The following DUS3L variants were observed in gnomAD, a reference collection of about 807,000 sequenced individuals.
DUS3L encodes tRNA-dihydrouridine(47) synthase [NAD(P)(+)]-like.
In DUS3L, 62 loss-of-function variants were observed where a neutral mutation model predicts 74.6. The observed-to-expected ratio is 0.83, with a 90% CI of 0.68 to 1.03. The LOEUF (loss-of-function observed/expected upper bound fraction) is 1.03, where lower values mean the gene tolerates loss of function less well. Among genes scored for constraint, DUS3L ranks in the 50% least tolerant of loss-of-function variants. DUS3L has a pLI of 0.00. For synonymous variants in DUS3L, 433 were observed against 395.7 expected, an observed-to-expected ratio of 1.09 and a Z score of -1.12; for missense variants, 884 against 924.4, an observed-to-expected ratio of 0.96 and a Z score of 0.57.
At chr19:5,785,827 C>A in intron 10 of DUS3L, 36 bp from the exon 11 acceptor site, 2 of 1,532,320 alleles carry the variant, frequency 1.3e-6, no homozygotes, top group Non-Finnish European at 1.8e-6. Flanking sequence ...GCCCAGCCAC[C>A]AGCCTGCCTG....
At position 5,785,441 on chromosome 19, in the gene DUS3L, G is replaced by C. The variant is rs373588150; in HGVS notation, c.1822C>G (p.Arg608Gly). ...GCCATCAGCGTCTCCAGGTAGTCGCGGCCCAGGTAGTAGGGCGGCCGCTCG... is the reference window on the plus strand; with the variant it reads ...GCCATCAGCGTCTCCAGGTAGTCGCCGCCCAGGTAGTAGGGCGGCCGCTCG... ...INERPPYYLGRDYLETLMASQ... is the reference protein window; with the variant it reads ...INERPPYYLGGDYLETLMASQ... The change falls in exon 12 of 13, where the codon CGC becomes GGC. Residue 608 changes from arginine to glycine, a missense_variant. Arg to Gly is a moderately radical substitution (Grantham distance 125). Coordinates refer to ENST00000309061, the MANE Select transcript of DUS3L (RefSeq NM_020175.3). 37 of 1,590,582 alleles carry C rather than the reference G, an allele frequency of 2.3e-5. No homozygotes were observed. The highest frequency in any genetic ancestry group is 3.0e-5 in the Non-Finnish European group (35 of 1,168,188).
chr19:5,786,505 G>T lies in DUS3L; in HGVS notation c.1524C>A (p.Arg508=). The change falls in exon 10 of 13, where the codon CGC becomes CGA. Residue 508 remains arginine, a synonymous_variant. Transcript: ENST00000309061. ...GDILSFEDAN[R]AMQTGVTGIM... is the part of the protein sequence containing the mutation. ...TCCCGGTGACACCAGTCTGCATGGC[G>T]CGGTTGGCATCCTCAAATGACAAGA... 1.2e-6 allele frequency: 2 copies of T among 1,613,108 alleles called. No homozygotes were observed. The highest frequency in any genetic ancestry group is 2.2e-5 in the South Asian group (2 of 91,046).
At position 5,788,361 on chromosome 19, in the gene DUS3L, G is replaced by T; in HGVS notation, c.938C>A (p.Thr313Asn). The change falls in exon 4 of 13, where the codon ACC (threonine) becomes AAC (asparagine). Residue 313 changes from threonine to asparagine, a missense_variant. Transcript: ENST00000309061. ...GCCACCTGACCCAGGTCCTACCGTGGTGAGGGGGGCCAGGTAAAGTTTGCC... is the reference window on the plus strand; with the variant it reads ...GCCACCTGACCCAGGTCCTACCGTGTTGAGGGGGGCCAGGTAAAGTTTGCC... ...IRGKLYLAPLTTCGNLPFRRI... is the reference protein window; with the variant it reads ...IRGKLYLAPLNTCGNLPFRRI... The T allele has an allele frequency of 6.2e-7, 1 of 1,613,772 alleles. No homozygotes were observed. The highest frequency in any genetic ancestry group is 2.2e-5 in the East Asian group (1 of 44,876).
chr19:5,786,385 A>G (rs1217407974), intron 10 of DUS3L, 82 bp downstream of exon 10: 7 of 1,381,458 alleles, frequency 5.1e-6, no homozygotes, highest in Non-Finnish European at 6.0e-6. Context: ...CCACCACAGA[A>G]CAGGGGTGGG....
chr19:5,791,133 C>A lies in DUS3L; in HGVS notation c.9G>T (p.Glu3Asp). MA[E>D]GTAEAPLENG... ...TCTCTAGAGGAGCCTCCGCCGTTCC[C>A]TCCGCCATCGGCGCCCCTCACATCC... Residue 3 changes from glutamate (E) to aspartate (D), a missense_variant, in exon 1 of 13, where the codon GAG becomes GAT. Coordinates refer to ENST00000309061, the MANE Select transcript of DUS3L (RefSeq NM_020175.3). 1 of 1,605,622 alleles carries A rather than the reference C, an allele frequency of 6.2e-7. No homozygotes were observed. Among genetic ancestry groups the A allele is most frequent in the East Asian group, 2.2e-5 (1 of 44,588 alleles).
chr19:5,789,004 G>A, intron 3 of DUS3L: 1 of 674,804 alleles, frequency 1.5e-6, no homozygotes, highest in Non-Finnish European at 2.2e-6. Flanking sequence ...ACCGCCCCCG[G>A]CCCTGTCCAG....
intron 2 of DUS3L, 46 bp downstream of exon 2, chr19:5,790,001 C>G (rs1162827180): frequency 6.2e-7 from 1 of 1,602,994 alleles, no homozygotes. Flanking sequence ...GAAACACACC[C>G]TGCTCCTGCC....
chr19:5,785,844 T>C, intron 10 of DUS3L, 53 bp from the exon 11 acceptor site: 1 of 1,495,752 alleles, frequency 6.7e-7, no homozygotes, highest in South Asian at 1.3e-5. Context: ...CCTGGGATCG[T>C]GTGGCCTCTG....
At chr19:5,790,806 C>T in intron 1 of DUS3L, 1 of 595,718 alleles carries the variant, frequency 1.7e-6, no homozygotes, top group Non-Finnish European at 3.0e-6. Context: ...GCGGGCCTGG[C>T]CTCAAATCCC....
chr19:5,787,735 G>A (rs1370204323), intron 5 of DUS3L, 30 bp from the exon 6 acceptor site: 2 of 1,605,914 alleles, frequency 1.2e-6, no homozygotes, highest in Non-Finnish European at 1.7e-6. Flanking sequence ...GAACAGGAGG[G>A]TGAGGGGAGA....
chr19:5,790,367 G>T lies in DUS3L; in HGVS notation c.99-32C>A, dbSNP rs759704544. 2.7e-5 allele frequency: 44 copies of T among 1,612,288 alleles called. No homozygotes were observed. In the South Asian group the frequency reaches 3.5e-4, roughly 13 times the overall value. On this transcript the variant is annotated intron_variant, in intron 1 of 12. Transcript: ENST00000309061. The stretch of plus-strand genomic sequence containing the variant: ...ACAGAAAGGGAAAGGAAAACCCTCC[G>T]AACATAGTCAATAAACACTGGGGAA...
At position 5,786,499 on chromosome 19, in the gene DUS3L, C is replaced by G. The variant is rs1393867063; in HGVS notation, c.1530G>C (p.Met510Ile). The change falls in exon 10 of 13, where the codon ATG becomes ATC. Residue 510 changes from methionine to isoleucine, a missense_variant. By Grantham distance (10) the Met-to-Ile change is conservative. Transcript: ENST00000309061. ...ILSFEDANRA[M>I]QTGVTGIMIA... is the part of the protein sequence containing the mutation. ...TCATGATCCCGGTGACACCAGTCTG[C>G]ATGGCGCGGTTGGCATCCTCAAATG... 9.9e-6 allele frequency: 16 copies of G among 1,612,998 alleles called. No individual in the cohort carries two copies. Among genetic ancestry groups the G allele is most frequent in the African/African-American group, 2.7e-5 (2 of 74,938 alleles).
rs536399867 is a variant in DUS3L, at chr19:5,789,851, C to T, written c.388-132G>A. On this transcript the variant is annotated intron_variant, in intron 2 of 12. Coordinates refer to ENST00000309061, the MANE Select transcript of DUS3L (RefSeq NM_020175.3). ...GCAAGTCAGGCACCTCACCGTGCCT[C>T]TGCATCTCCATTTATACAATGAGAA... The T allele has an allele frequency of 1.7e-5, 22 of 1,323,456 alleles. No individual in the cohort carries two copies. In the East Asian group the frequency reaches 5.5e-4, roughly 33 times the overall value. 82.0% of individuals were successfully genotyped at this position (1,323,456 alleles called of 1,614,324 possible).
chr19:5,787,497 C>T, intron 6 of DUS3L, 92 bp downstream of exon 6: 1 of 1,539,222 alleles, frequency 6.5e-7, no homozygotes, highest in Non-Finnish European at 8.9e-7. Context: ...CACTTGAGCC[C>T]AAACCCCTGA....
chr19:5,790,360 A>C, intron 1 of DUS3L, 25 bp from the exon 2 acceptor site: 1 of 1,612,832 alleles, frequency 6.2e-7, no homozygotes, highest in Non-Finnish European at 8.5e-7. Context: ...GGAAAGGAAA[A>C]CCCTCCGAAC....
intron 9 of DUS3L, 65 bp from the exon 10 acceptor site, chr19:5,786,607 C>G: frequency 2.5e-6 from 4 of 1,590,448 alleles, no homozygotes; most frequent in Non-Finnish European, 3.4e-6. Flanking sequence ...GTTCTGCTCA[C>G]CAGCCCTTCA....
At chr19:5,786,139 A>G (rs2056839578) in intron 10 of DUS3L, 1 of 455,124 alleles carries the variant, frequency 2.2e-6, no homozygotes. Context: ...TTTAATAGAG[A>G]TGTTTCACCA....
At chr19:5,789,030 C>CCAGAGTGGGAG in intron 3 of DUS3L, 177 bp downstream of exon 3, 1 of 954,976 alleles carries the variant, frequency 1.0e-6, no homozygotes, top group Non-Finnish European at 1.4e-6. Flanking sequence ...TCTGTCCCCA[C>CCAGAGTGGGAG]CTCCTGAGGG....
chr19:5,788,466 C>T, intron 3 of DUS3L, 68 bp from the exon 4 acceptor site: 2 of 1,553,228 alleles, frequency 1.3e-6, no homozygotes, highest in African/African-American at 1.4e-5. Flanking sequence ...CCTGGAGCCT[C>T]CCTTCTACCC....
Sources: allele counts gnomAD v4.1 joint callset, GRCh38; gene constraint gnomAD v4.1.1; transcripts MANE v1.5; gene names NCBI Gene and HGNC (gene_info 2026-07-23, HGNC 2026-07-21).